The following PPIB variants were observed in gnomAD, a reference collection of about 807,000 sequenced individuals.
PPIB encodes the protein peptidyl-prolyl cis-trans isomerase B.
PPIB carries 15 observed loss-of-function variants against 20.1 expected under a neutral mutation model. That is an observed-to-expected ratio of 0.75 (90% confidence interval 0.50 to 1.15). The LOEUF is 1.15. Ranked by LOEUF, PPIB falls within the 50% of genes most tolerant of loss-of-function variation. The pLI, the probability that PPIB is intolerant of heterozygous loss-of-function variation, is 0.00. For synonymous variants in PPIB, 129 were observed against 111.0 expected (o/e 1.16, Z -1.02); for missense variants, 278 against 283.0 (o/e 0.98, Z 0.13).
rs2081542194 is a variant in PPIB at position 64,157,499 on chromosome 15, C to T, written c.344-590G>A. 6.3e-6 allele frequency: 1 copy of T among 157,594 alleles called. No homozygotes were observed. The highest frequency in any genetic ancestry group is 1.4e-5 in the Non-Finnish European group (1 of 71,214). 9.8% of individuals were successfully genotyped at this position (157,594 alleles called of 1,614,324 possible). Reference sequence around the variant, plus strand: ...TGAGTGTGTGTGACGCGTCTGTCCACGTGGGGCTTGGGGATATGGTAAGGG... The same window carrying T: ...TGAGTGTGTGTGACGCGTCTGTCCATGTGGGGCTTGGGGATATGGTAAGGG... On this transcript the variant is annotated intron_variant, in intron 3 of 4. Coordinates refer to ENST00000300026, the MANE Select transcript of PPIB (RefSeq NM_000942.5). This position sits in a 1 kb window ranked among gnomAD's most constrained non-coding sequence, Gnocchi z 4.2.
chr15:64,156,011 T>A lies in PPIB; in HGVS notation c.*12A>T. On this transcript the variant is annotated 3_prime_UTR_variant, in exon 5 of 5. Coordinates refer to ENST00000300026, the MANE Select transcript of PPIB (RefSeq NM_000942.5). The surrounding 1 kb of genome is among the most constrained non-coding windows in gnomAD (Gnocchi z 6.4). ...GCACAGACGGTCACTCAAAGAAAGA[T>A]GTCCCTGTGCCCTACTCCTTGGCGA... 1 of 1,614,092 alleles carries A rather than the reference T, an allele frequency of 6.2e-7. No homozygotes were observed. The highest frequency in any genetic ancestry group is 8.5e-7 in the Non-Finnish European group (1 of 1,179,988).
rs7177371 is a variant in PPIB, at chr15:64,157,839, G to A, written c.344-930C>T. ...GGAAGATGTTTCTGATTGGGCAGCA[G>A]GTAGGATGACTGAAAACCAAGAATG... is the stretch of plus-strand genomic sequence containing the variant. On this transcript the variant is annotated intron_variant, in intron 3 of 4. Coordinates refer to ENST00000300026, the MANE Select transcript of PPIB (RefSeq NM_000942.5). This position sits in a 1 kb window ranked among gnomAD's most constrained non-coding sequence, Gnocchi z 4.2. Among the ~76,000 whole-genome samples, 8,627 of 152,250 alleles carry A rather than the reference G, an allele frequency of 0.057. 269 individuals carry two copies. The highest frequency in any genetic ancestry group is 0.077 in the South Asian group (374 of 4,826).
intron 1 of PPIB, among the ~76,000 whole-genome samples, chr15:64,162,577 C>A (rs1364313575): frequency 1.3e-5 from 2 of 152,224 alleles, no homozygotes; most frequent in African/African-American, 4.8e-5. Flanking sequence ...TTCACCATCT[C>A]CCCAGCACTG....
In PPIB at chr15:64,157,345, C is replaced by T. The variant is rs1221374728; in HGVS notation, c.344-436G>A. ...CCTGTTTTCCTATGAGCACAAAAGA[C>T]ACAGGCATAGCTGCAGAGGAGAAAG... On this transcript the variant is annotated intron_variant, in intron 3 of 4. Transcript: ENST00000300026. This position sits in a 1 kb window ranked among gnomAD's most constrained non-coding sequence, Gnocchi z 4.2. The T allele has an allele frequency of 4.9e-6, 1 of 204,622 alleles. No homozygotes were observed. The highest frequency in any genetic ancestry group is 2.3e-5 in the African/African-American group (1 of 43,446). 12.7% of individuals were successfully genotyped at this position (204,622 alleles called of 1,614,324 possible). A position where few individuals can be genotyped will look rare whatever the true frequency, so the allele number is the denominator to read the frequency against.
In PPIB at chr15:64,155,856, A is replaced by C; in HGVS notation, c.*167T>G. 4.4e-6 allele frequency: 4 copies of C among 903,866 alleles called. No individual in the cohort carries two copies. The highest frequency in any genetic ancestry group is 6.8e-6 in the Non-Finnish European group (4 of 585,290). The allele number at this position is 903,866 out of a possible 1,614,324, so 56.0% of individuals were successfully genotyped here. On this transcript the variant is annotated 3_prime_UTR_variant, in exon 5 of 5. Coordinates refer to ENST00000300026, the MANE Select transcript of PPIB (RefSeq NM_000942.5). ...AAACCCACATTTTTTTTTATTGGTC[A>C]GTGTTGGTAGGAGTTTGTTACAAAA...
chr15:64,161,300 G>A lies in PPIB; in HGVS notation c.249+741C>T, dbSNP rs538994480. On this transcript the variant is annotated intron_variant, in intron 2 of 4. Transcript: ENST00000300026. The surrounding 1 kb of genome is among the most constrained non-coding windows in gnomAD (Gnocchi z 4.2). Reference sequence around the variant, plus strand: ...TAATTTATTTTTTTTTTGAGACAGGGTCTCACTCTATTGCTCAGGCTGGAG... The same window carrying A: ...TAATTTATTTTTTTTTTGAGACAGGATCTCACTCTATTGCTCAGGCTGGAG... Among the ~76,000 whole-genome samples, 5 of 151,136 alleles carry A rather than the reference G, an allele frequency of 3.3e-5. No individual in the cohort carries two copies. Among genetic ancestry groups the A allele is most frequent in the African/African-American group, 1.2e-4 (5 of 41,070 alleles).
In PPIB at chr15:64,156,193, C is replaced by T. The variant is rs780772293; in HGVS notation, c.529-48G>A. On this transcript the variant is annotated intron_variant, in intron 4 of 4. Coordinates refer to ENST00000300026, the MANE Select transcript of PPIB (RefSeq NM_000942.5). This position sits in a 1 kb window ranked among gnomAD's most constrained non-coding sequence, Gnocchi z 6.4. ...GGAGGGCATGGTGGATCAGGAGGTCCACCGCTCAGGAGAAAGGCCCCAGCG... is the reference window on the plus strand; with the variant it reads ...GGAGGGCATGGTGGATCAGGAGGTCTACCGCTCAGGAGAAAGGCCCCAGCG... 6.2e-7 allele frequency: 1 copy of T among 1,611,452 alleles called. No individual in the cohort carries two copies. The highest frequency in any genetic ancestry group is 8.5e-7 in the Non-Finnish European group (1 of 1,178,748).
Position 64,157,567 on chromosome 15 carries a change from C to G in PPIB, c.344-658G>C, listed in dbSNP as rs1361391677. The G allele has an allele frequency of 1.3e-5, 2 of 152,604 alleles. No individual in the cohort carries two copies. Among genetic ancestry groups the G allele is most frequent in the African/African-American group, 4.8e-5 (2 of 41,446 alleles). The allele number at this position is 152,604 out of a possible 1,614,324, so 9.5% of individuals were successfully genotyped here. On this transcript the variant is annotated intron_variant, in intron 3 of 4. Coordinates refer to ENST00000300026, the MANE Select transcript of PPIB (RefSeq NM_000942.5). This position sits in a 1 kb window ranked among gnomAD's most constrained non-coding sequence, Gnocchi z 4.2. ...TATGCCATTTCAGAGATCCTAGTTC[C>G]AAAGCTGCTTCCACGAGGAACACCG... is the stretch of plus-strand genomic sequence containing the variant.
chr15:64,162,789 G>C lies in PPIB; in HGVS notation c.135+63C>G, dbSNP rs1281564549. On this transcript the variant is annotated intron_variant, in intron 1 of 4. Coordinates refer to ENST00000300026, the MANE Select transcript of PPIB (RefSeq NM_000942.5). ...GCCGAGGGAGGAGGGGCTGAGCCAA[G>C]GCCAAGCCAAGGCCGCCCGGGCCCG... 4.4e-6 allele frequency: 7 copies of C among 1,577,800 alleles called. No homozygotes were observed. In the East Asian group the frequency reaches 1.6e-4, roughly 37 times the overall value.
chr15:64,156,774 G>T lies in PPIB; in HGVS notation c.479C>A (p.Ala160Asp). 1.2e-6 allele frequency: 2 copies of T among 1,614,182 alleles called. No individual in the cohort carries two copies. The highest frequency in any genetic ancestry group is 1.7e-6 in the Non-Finnish European group (2 of 1,180,040). ...SQFFITTVKT[A>D]WLDGKHVVFG... ...CACCACATGCTTGCCATCTAGCCAG[G>T]CTGTCTTGACTGTCGTGATGAAGAA... is the stretch of plus-strand genomic sequence containing the variant. Residue 160 changes from alanine to aspartate, a missense_variant, in exon 4 of 5, where the codon GCC becomes GAC. Physicochemically the swap from Ala to Asp is moderately radical, Grantham distance 126. Transcript: ENST00000300026. The surrounding 1 kb of genome is among the most constrained non-coding windows in gnomAD (Gnocchi z 6.4).
In PPIB at chr15:64,156,625, CTT is replaced by C; in HGVS notation, c.528+98_528+99del. The C allele has an allele frequency of 6.8e-7, 1 of 1,462,162 alleles. No homozygotes were observed. The highest frequency in any genetic ancestry group is 1.1e-5 in the South Asian group (1 of 87,478). The allele number at this position is 1,462,162 out of a possible 1,614,324, so 90.6% of individuals were successfully genotyped here. A position where few individuals can be genotyped will look rare whatever the true frequency, so the allele number is the denominator to read the frequency against. On this transcript the variant is annotated intron_variant, in intron 4 of 4. Coordinates refer to ENST00000300026, the MANE Select transcript of PPIB (RefSeq NM_000942.5). This position sits in a 1 kb window ranked among gnomAD's most constrained non-coding sequence, Gnocchi z 6.4. ...CTGGGCTGCATCTGTGGGTTGGGTC[CTT>C]TTGGGAAAGGGATGGACACATGGAG...
In PPIB at chr15:64,158,351, C is replaced by G. The variant is rs973637493; in HGVS notation, c.344-1442G>C. 1.3e-5 allele frequency among the ~76,000 whole-genome samples: 2 copies of G among 152,170 alleles called. No homozygotes were observed. The highest frequency in any genetic ancestry group is 1.9e-4 in the East Asian group (1 of 5,198). ...TCCACTCTATGAGGAGGAGCTAACT[C>G]CACTTCAAAGATGAAGAAACTGAGG... On this transcript the variant is annotated intron_variant, in intron 3 of 4. Coordinates refer to ENST00000300026, the MANE Select transcript of PPIB (RefSeq NM_000942.5). This position sits in a 1 kb window ranked among gnomAD's most constrained non-coding sequence, Gnocchi z 4.7.
In PPIB at chr15:64,158,208, A is replaced by C. The variant is rs187423775; in HGVS notation, c.344-1299T>G. On this transcript the variant is annotated intron_variant, in intron 3 of 4. Transcript: ENST00000300026. This position sits in a 1 kb window ranked among gnomAD's most constrained non-coding sequence, Gnocchi z 4.7. ...CACGTGGCTCAGGTTGTCCCTACCCACTCCCCATGTACTTACTCTTTCTTT... is the reference window on the plus strand; with the variant it reads ...CACGTGGCTCAGGTTGTCCCTACCCCCTCCCCATGTACTTACTCTTTCTTT... Among the ~76,000 whole-genome samples, 1 of 151,526 alleles carries C rather than the reference A, an allele frequency of 6.6e-6. No homozygotes were observed. Among genetic ancestry groups the C allele is most frequent in the Non-Finnish European group, 1.5e-5 (1 of 67,900 alleles).
chr15:64,160,038 G>T lies in PPIB; in HGVS notation c.343+66C>A, dbSNP rs748583597. On this transcript the variant is annotated intron_variant, in intron 3 of 4. Coordinates refer to ENST00000300026, the MANE Select transcript of PPIB (RefSeq NM_000942.5). This position sits in a 1 kb window ranked among gnomAD's most constrained non-coding sequence, Gnocchi z 4.8. ...AGAAAGAGGCCTGGTCTCCCCAGCA[G>T]AACCTGGCCCTCCCACTGTGGAGGC... is the stretch of plus-strand genomic sequence containing the variant. 4 of 1,390,126 alleles carry T rather than the reference G, an allele frequency of 2.9e-6. No individual in the cohort carries two copies. The African/African-American group carries it at 4.3e-5, about 15-fold the overall frequency. The allele number at this position is 1,390,126 out of a possible 1,614,324, so 86.1% of individuals were successfully genotyped here. A position where few individuals can be genotyped will look rare whatever the true frequency, so the allele number is the denominator to read the frequency against.
In PPIB at chr15:64,160,251, T is replaced by G; in HGVS notation, c.250-54A>C. The G allele has an allele frequency of 7.1e-7, 1 of 1,400,992 alleles. No individual in the cohort carries two copies. Among genetic ancestry groups the G allele is most frequent in the South Asian group, 1.2e-5 (1 of 86,560 alleles). The allele number at this position is 1,400,992 out of a possible 1,614,324, so 86.8% of individuals were successfully genotyped here. A position where few individuals can be genotyped will look rare whatever the true frequency, so the allele number is the denominator to read the frequency against. On this transcript the variant is annotated intron_variant, in intron 2 of 4. Transcript: ENST00000300026. The surrounding 1 kb of genome is among the most constrained non-coding windows in gnomAD (Gnocchi z 4.8). The stretch of plus-strand genomic sequence containing the variant: ...GTGGTATGGGGCAGCAGGAAGACAT[T>G]ACATTAAATAGGCCTCACAGGAACA...
chr15:64,155,852 G>C lies in PPIB; in HGVS notation c.*171C>G, dbSNP rs1173865896. On this transcript the variant is annotated 3_prime_UTR_variant, in exon 5 of 5. Coordinates refer to ENST00000300026, the MANE Select transcript of PPIB (RefSeq NM_000942.5). ...AAAAAAACCCACATTTTTTTTTATT[G>C]GTCAGTGTTGGTAGGAGTTTGTTAC... 5.5e-6 allele frequency: 5 copies of C among 908,584 alleles called. No individual in the cohort carries two copies. In the Admixed American group the frequency reaches 1.2e-4, roughly 22 times the overall value. The allele number at this position is 908,584 out of a possible 1,614,324, so 56.3% of individuals were successfully genotyped here. A position where few individuals can be genotyped will look rare whatever the true frequency, so the allele number is the denominator to read the frequency against.
chr15:64,161,280 T>C lies in PPIB; in HGVS notation c.249+761A>G, dbSNP rs189939991. On this transcript the variant is annotated intron_variant, in intron 2 of 4. Transcript: ENST00000300026. This position sits in a 1 kb window ranked among gnomAD's most constrained non-coding sequence, Gnocchi z 4.2. ...CCCGGCCTTTTATTTTTAATTAATTTATTTTTTTTTTGAGACAGGGTCTCA... is the reference window on the plus strand; with the variant it reads ...CCCGGCCTTTTATTTTTAATTAATTCATTTTTTTTTTGAGACAGGGTCTCA... Among the ~76,000 whole-genome samples, 112 of 152,040 alleles carry C rather than the reference T, an allele frequency of 7.4e-4. No individual in the cohort carries two copies. Among genetic ancestry groups the C allele is most frequent in the Admixed American group, 1.7e-3 (26 of 15,288 alleles).
At position 64,156,634 on chromosome 15, in the gene PPIB, A is replaced by T. The variant is rs764378674; in HGVS notation, c.528+91T>A. 74 of 1,504,554 alleles carry T rather than the reference A, an allele frequency of 4.9e-5. No homozygotes were observed. Among genetic ancestry groups the T allele is most frequent in the Non-Finnish European group, 2.7e-5 (29 of 1,080,958 alleles). 93.2% of individuals were successfully genotyped at this position (1,504,554 alleles called of 1,614,324 possible). ...ATCTGTGGGTTGGGTCCTTTTGGGA[A>T]AGGGATGGACACATGGAGCTCCTGC... On this transcript the variant is annotated intron_variant, in intron 4 of 4. Transcript: ENST00000300026. This position sits in a 1 kb window ranked among gnomAD's most constrained non-coding sequence, Gnocchi z 6.4.
intron 1 of PPIB, 98 bp from the exon 2 acceptor site, chr15:64,162,252 G>A: frequency 1.2e-6 from 1 of 868,612 alleles, no homozygotes; most frequent in Admixed American, 1.7e-5. Context: ...AGAGAGAATA[G>A]AGCCATATTT....
Sources: allele counts gnomAD v4.1 joint callset (sites outside exome capture counted in the v4.1 genomes callset), GRCh38; gene constraint gnomAD v4.1.1; non-coding constraint Gnocchi (gnomAD v3.1); transcripts MANE v1.5; gene names NCBI Gene and HGNC (gene_info 2026-07-23, HGNC 2026-07-21).